The following WNT5A variants were observed in gnomAD, a reference collection of about 807,000 sequenced individuals.
The protein encoded by WNT5A is Wnt family member 5A, also known as protein Wnt-5a.
Under a neutral mutation model 42.1 loss-of-function variants are expected in WNT5A, and 9 were observed. The ratio of observed to expected loss-of-function variants is 0.21; its 90% confidence interval spans 0.13 to 0.37. WNT5A has a LOEUF of 0.37. Among genes scored for constraint, WNT5A ranks in the 10% least tolerant of loss-of-function variants. The pLI is 1.00. For missense variants in WNT5A, 426 were observed against 534.0 expected (o/e 0.80, Z 1.99); for synonymous variants, 210 against 210.0 (o/e 1.00, Z 0.00).
chr3:55,503,010 A>G, the WNT5A span, among the ~76,000 whole-genome samples: 1 of 152,230 alleles, frequency 6.6e-6, no homozygotes, highest in Non-Finnish European at 1.5e-5. Context: ...TTTATTGTCC[A>G]AAACTCTTGC....
chr3:55,485,401 C>A (rs1188435622), intron 1 of WNT5A, among the ~76,000 whole-genome samples: 1 of 152,002 alleles, frequency 6.6e-6, no homozygotes, highest in Non-Finnish European at 1.5e-5. Context: ...TTGGGCCGGG[C>A]CTCCTGGGGA....
chr3:55,476,501 GGAAGAGGAGAT>G (rs1345312962), intron 3 of WNT5A, among the ~76,000 whole-genome samples: 1 of 152,162 alleles, frequency 6.6e-6, no homozygotes. Flanking sequence ...AGTAGCTAGA[GGAAGAGGAGAT>G]GAAGAGGAGA....
chr3:55,481,116 A>G (rs2051452233), intron 1 of WNT5A, 198 bp from the exon 2 acceptor site: 1 of 700,076 alleles, frequency 1.4e-6, no homozygotes, highest in Non-Finnish European at 2.0e-6. Context: ...TCACCAGGAA[A>G]TCTGATTTCG....
Position 55,487,096 on chromosome 3 carries a change from C to T in WNT5A, c.-111G>A. On this transcript the variant is annotated 5_prime_UTR_variant, in exon 1 of 5. Coordinates refer to ENST00000264634, the MANE Select transcript of WNT5A (RefSeq NM_003392.7). ...GGGGGGACGGTCAGGAGCAGGGCTG[C>T]GGAGTCCTCCGGCGCGCGTCCGGCG... The T allele has an allele frequency of 2.2e-6, 2 of 906,360 alleles. No homozygotes were observed. Among genetic ancestry groups the T allele is most frequent in the Admixed American group, 2.5e-5 (1 of 40,614 alleles). 56.1% of individuals were successfully genotyped at this position (906,360 alleles called of 1,614,324 possible).
At chr3:55,488,969 G>A (rs1462968908), upstream of WNT5A, among the ~76,000 whole-genome samples, 1 of 151,786 alleles carries the variant, frequency 6.6e-6, no homozygotes, top group Admixed American at 6.6e-5. Context: ...GACTTGGGTA[G>A]TGGGATGCAT....
upstream of WNT5A, chr3:55,493,862 A>G (rs542887858): frequency 3.3e-5 from 5 of 152,358 alleles, no homozygotes; most frequent in African/African-American, 9.6e-5. Context: ...GAAAGAGTTT[A>G]ATAAGAGAAA....
At chr3:55,484,142 T>C (rs549252720) in intron 1 of WNT5A, among the ~76,000 whole-genome samples, 1 of 152,202 alleles carries the variant, frequency 6.6e-6, no homozygotes, top group East Asian at 1.9e-4. Context: ...CCCAGGCTTA[T>C]GGCAGCGAAG....
At chr3:55,502,209 A>G in the WNT5A span, among the ~76,000 whole-genome samples, 2 of 152,150 alleles carry the variant, frequency 1.3e-5, no homozygotes, top group African/African-American at 4.8e-5. Flanking sequence ...AGAAATTCCA[A>G]TTCTGTCTCC....
At chr3:55,491,593 C>A (rs1400166114), upstream of WNT5A, among the ~76,000 whole-genome samples, 1 of 152,208 alleles carries the variant, frequency 6.6e-6, no homozygotes, top group Non-Finnish European at 1.5e-5. Context: ...GAAAGCAGGG[C>A]CTGGGTTGTC....
chr3:55,487,908 G>C (rs1284496207), upstream of WNT5A: 1 of 152,212 alleles, frequency 6.6e-6, no homozygotes, highest in Non-Finnish European at 1.5e-5. Context: ...ACTAACCCAG[G>C]GGAGACGCGG....
At chr3:55,488,008 G>A (rs1042964688), upstream of WNT5A, 1 of 152,222 alleles carries the variant, frequency 6.6e-6, no homozygotes, top group Non-Finnish European at 1.5e-5. Flanking sequence ...GCGAAGAGCA[G>A]CGAGTGCACC....
the WNT5A span, among the ~76,000 whole-genome samples, chr3:55,504,590 G>A: frequency 1.3e-5 from 2 of 151,486 alleles, no homozygotes; most frequent in South Asian, 4.2e-4. Context: ...TCACCCTCCC[G>A]AGTAGCTGAG....
chr3:55,481,450 GAGGATGGGGGCAGGAC>G, intron 1 of WNT5A: 1 of 865,162 alleles, frequency 1.2e-6, no homozygotes, highest in Non-Finnish European at 1.4e-6. Flanking sequence ...GCGGGGGGTG[GAGGATGGGGGCAGGAC>G]GCGGGAGGGA....
upstream of WNT5A, chr3:55,489,052 C>A (rs141363251): frequency 6.4e-3 from 982 of 152,308 alleles, 10 homozygotes; most frequent in Non-Finnish European, 0.011. Context: ...TTGGCGGGTG[C>A]CCTCAGGTGA....
At chr3:55,496,555 G>A in the WNT5A span, among the ~76,000 whole-genome samples, 7 of 152,152 alleles carry the variant, frequency 4.6e-5, no homozygotes, top group South Asian at 2.1e-4. Context: ...ACAGGAACGC[G>A]ATGGCTCCAC....
At chr3:55,481,103 A>T (rs1244981213) in intron 1 of WNT5A, 185 bp from the exon 2 acceptor site, 2 of 712,612 alleles carry the variant, frequency 2.8e-6, no homozygotes, top group Non-Finnish European at 3.9e-6. Context: ...CACCCACGCA[A>T]CCTCACCAGG....
intron 4 of WNT5A, among the ~76,000 whole-genome samples, chr3:55,471,758 T>C (rs1374554968): frequency 2.6e-5 from 4 of 152,228 alleles, no homozygotes; most frequent in Admixed American, 2.6e-4. Flanking sequence ...TAGACTCTGC[T>C]GCCCACAGTT....
intron 1 of WNT5A, among the ~76,000 whole-genome samples, chr3:55,484,505 G>A (rs910253991): frequency 4.6e-5 from 7 of 152,194 alleles, no homozygotes; most frequent in Non-Finnish European, 1.0e-4. Context: ...TAGAGAAGGC[G>A]GAGGTTACAC....
rs1412302844 is a variant in WNT5A, at chr3:55,483,704, G to A, written c.7-2786C>T. On this transcript the variant is annotated intron_variant, in intron 1 of 4. Coordinates refer to ENST00000264634, the MANE Select transcript of WNT5A (RefSeq NM_003392.7). The surrounding 1 kb of genome is among the most constrained non-coding windows in gnomAD (Gnocchi z 4.2). ...CCAGAGGAGTGAGGTGGAGGAGGGCGTTCCCGCGTCCTCCTCTTCAATCCA... is the reference window on the plus strand; with the variant it reads ...CCAGAGGAGTGAGGTGGAGGAGGGCATTCCCGCGTCCTCCTCTTCAATCCA... 6.6e-6 allele frequency among the ~76,000 whole-genome samples: 1 copy of A among 152,134 alleles called. No homozygotes were observed. The highest frequency in any genetic ancestry group is 1.5e-5 in the Non-Finnish European group (1 of 68,026).
Sources: gnomAD v4.1 joint callset for allele counts (sites outside exome capture counted in the v4.1 genomes callset) on GRCh38, gnomAD v4.1.1 for gene constraint, Gnocchi (gnomAD v3.1) non-coding constraint, MANE v1.5 for transcripts, NCBI Gene and HGNC (gene_info 2026-07-23, HGNC 2026-07-21) for gene names.